The following HIF3A variants were observed in gnomAD, a reference collection of about 807,000 sequenced individuals.
HIF3A encodes hypoxia inducible factor 3 subunit alpha, also known as hypoxia-inducible factor 3-alpha.
HIF3A carries 41 observed loss-of-function variants against 67.2 expected under a neutral mutation model. The ratio of observed to expected loss-of-function variants is 0.61; its 90% confidence interval spans 0.48 to 0.79. The LOEUF (loss-of-function observed/expected upper bound fraction) is 0.79, where lower values mean the gene tolerates loss of function less well. Among genes scored for constraint, HIF3A ranks in the 30% least tolerant of loss-of-function variants. The pLI is 0.00. For synonymous variants in HIF3A, 356 were observed against 374.8 expected (o/e 0.95, Z 0.58); for missense variants, 855 against 898.0 (o/e 0.95, Z 0.61).
In HIF3A at chr19:46,305,305, T is replaced by C; in HGVS notation, c.278T>C (p.Leu93Pro). Reference protein sequence around the residue: ...EPLDACYLKALEGFVMVLTAE... With the variant: ...EPLDACYLKAPEGFVMVLTAE... ...CTGGATGCCTGCTACCTGAAGGCCC[T>C]GGAGGGCTTCGTCATGGTGCTCACC... The change falls in exon 3 of 15, where the codon CTG becomes CCG. Residue 93 changes from leucine (L) to proline (P), a missense_variant. By Grantham distance (98) the Leu-to-Pro change is moderately conservative (BLOSUM62 -3). Transcript: ENST00000377670. The C allele has an allele frequency of 6.2e-7, 1 of 1,614,108 alleles. No homozygotes were observed. The highest frequency in any genetic ancestry group is 8.5e-7 in the Non-Finnish European group (1 of 1,179,992).
At chr19:46,336,346 C>T (rs1320564501) in intron 14 of HIF3A, among the ~76,000 whole-genome samples, 1 of 151,788 alleles carries the variant, frequency 6.6e-6, no homozygotes, top group East Asian at 2.0e-4. Flanking sequence ...CCCACCTCGG[C>T]CTCCCAGAGT....
chr19:46,305,245 G>C lies in HIF3A; in HGVS notation c.218G>C (p.Gly73Ala). ...CCCATCCCCCTGCCCCGGGCACCAG[G>C]GGAGTGGAACCAGGTGGGAGCAGGG... The part of the protein sequence containing the change: ...YLRMHRLCAA[G>A]EWNQVGAGGE... The change falls in exon 3 of 15, where the codon GGG (glycine) becomes GCG (alanine). Residue 73 changes from glycine (G) to alanine (A), a missense_variant and splice_region_variant. Physicochemically the swap from Gly to Ala is moderately conservative, Grantham distance 60 (BLOSUM62 0). This residue lies in a region of HIF3A where 638 missense variants were observed against 660.5 expected (regional missense o/e 0.97). Transcript: ENST00000377670. The C allele has an allele frequency of 6.2e-7, 1 of 1,613,926 alleles. No homozygotes were observed. Among genetic ancestry groups the C allele is most frequent in the Non-Finnish European group, 8.5e-7 (1 of 1,180,012 alleles).
chr19:46,311,871 C>A (rs1315485276), intron 6 of HIF3A, among the ~76,000 whole-genome samples: 2 of 152,090 alleles, frequency 1.3e-5, no homozygotes, highest in African/African-American at 4.8e-5. Context: ...AAAAAACAAA[C>A]AACAAAACAA....
Position 46,308,322 on chromosome 19 carries a change from C to T in HIF3A, c.448+17C>T, listed in dbSNP as rs778220980. The T allele has an allele frequency of 1.3e-5, 20 of 1,536,478 alleles. No homozygotes were observed. Among genetic ancestry groups the T allele is most frequent in the Admixed American group, 1.7e-5 (1 of 57,648 alleles). The stretch of plus-strand genomic sequence containing the variant: ...CCCAGCAGAGTGAGTTCCCTGGAGG[C>T]CTCTGTCCCCACCATACAGAGGAGG... On this transcript the variant is annotated intron_variant, in intron 4 of 14. Coordinates refer to ENST00000377670, the MANE Select transcript of HIF3A (RefSeq NM_152795.4).
Position 46,297,112 on chromosome 19 carries a change from T to C in HIF3A, c.26+10T>C. The C allele has an allele frequency of 8.1e-7, 1 of 1,231,434 alleles. No individual in the cohort carries two copies. Among genetic ancestry groups the C allele is most frequent in the Non-Finnish European group, 1.0e-6 (1 of 968,968 alleles). 76.3% of individuals were successfully genotyped at this position (1,231,434 alleles called of 1,614,324 possible). A position where few individuals can be genotyped will look rare whatever the true frequency, so the allele number is the denominator to read the frequency against. ...GGCTGCAGCGCGCAAGGTACTGAAG[T>C]TCGGGGGCAGGAGTTCTGGGAATTG... is the stretch of plus-strand genomic sequence containing the variant. On this transcript the variant is annotated intron_variant, in intron 1 of 14. Transcript: ENST00000377670. This position sits in a 1 kb window ranked among gnomAD's most constrained non-coding sequence, Gnocchi z 4.5.
At chr19:46,298,345 TCTTGGCTGAGCTCGGGTGCCCCC>T in intron 1 of HIF3A, 2 of 1,277,902 alleles carry the variant, frequency 1.6e-6, no homozygotes, top group Non-Finnish European at 2.0e-6. Context: ...TGGGGGCCCC[TCTTGGCTGAGCTCGGGTGCCCCC>T]CCTCCCCACC....
chr19:46,315,682 G>A (rs1969858695), intron 8 of HIF3A, among the ~76,000 whole-genome samples: 1 of 152,200 alleles, frequency 6.6e-6, no homozygotes, highest in Non-Finnish European at 1.5e-5. Flanking sequence ...GGGAGGCCGA[G>A]GAGGGCAGAT....
At chr19:46,315,774 T>C (rs1373371519) in intron 8 of HIF3A, among the ~76,000 whole-genome samples, 1 of 151,704 alleles carries the variant, frequency 6.6e-6, no homozygotes, top group Non-Finnish European at 1.5e-5. Context: ...ATTAGCCAGG[T>C]GTGGTAGCAC....
intron 12 of HIF3A, 95 bp downstream of exon 12, chr19:46,329,573 A>C: frequency 1.5e-6 from 2 of 1,345,118 alleles, no homozygotes; most frequent in South Asian, 1.7e-5. Flanking sequence ...CCATTTCTCT[A>C]ACCCTGATCT....
intron 1 of HIF3A, chr19:46,303,607 C>A: frequency 6.4e-7 from 1 of 1,559,044 alleles, no homozygotes; most frequent in South Asian, 1.2e-5. Flanking sequence ...GCAGATAAGT[C>A]AGGGAGGGGA....
chr19:46,298,587 C>A, intron 1 of HIF3A: 1 of 1,122,276 alleles, frequency 8.9e-7, no homozygotes, highest in Non-Finnish European at 1.2e-6. Context: ...CCCACTGTGG[C>A]CAAGGATGCT....
chr19:46,298,500 G>C (rs1179642345), intron 1 of HIF3A: 1 of 1,283,224 alleles, frequency 7.8e-7, no homozygotes, highest in South Asian at 1.2e-5. Flanking sequence ...TCAGCCAACG[G>C]GGGCCTGGGC....
intron 1 of HIF3A, chr19:46,298,507 G>C: frequency 7.8e-7 from 1 of 1,279,070 alleles, no homozygotes; most frequent in South Asian, 1.3e-5. Context: ...ACGGGGGCCT[G>C]GGCGATGGTG....
At chr19:46,334,359 T>C (rs993120839) in intron 13 of HIF3A, among the ~76,000 whole-genome samples, 1 of 152,300 alleles carries the variant, frequency 6.6e-6, no homozygotes, top group East Asian at 1.9e-4. Context: ...CCCAAAGTGC[T>C]GGGATTACAG....
chr19:46,309,421 A>T, intron 6 of HIF3A, 62 bp downstream of exon 6: 1 of 1,017,802 alleles, frequency 9.8e-7, no homozygotes, highest in East Asian at 2.6e-5. Context: ...CCCCACCTCC[A>T]CACTCCCGCA....
chr19:46,301,694 C>T (rs1251013155), intron 1 of HIF3A, among the ~76,000 whole-genome samples: 1 of 151,750 alleles, frequency 6.6e-6, no homozygotes, highest in Admixed American at 6.6e-5. Context: ...GGCGTGGTGG[C>T]AGATGTCTGT....
intron 11 of HIF3A, among the ~76,000 whole-genome samples, chr19:46,327,108 TTG>T (rs1341943936): frequency 6.6e-6 from 1 of 151,950 alleles, no homozygotes; most frequent in Admixed American, 6.6e-5. Flanking sequence ...TGAGCCGAGA[TTG>T]TGCCACTGCA....
At chr19:46,304,333 C>T (rs939243643) in intron 2 of HIF3A, 2 of 570,926 alleles carry the variant, frequency 3.5e-6, no homozygotes, top group East Asian at 5.9e-5. Flanking sequence ...GAGGCCCCGC[C>T]CCTGGAACGC....
At chr19:46,303,752 T>A in intron 1 of HIF3A, 146 bp from the exon 2 acceptor site, 1 of 1,514,982 alleles carries the variant, frequency 6.6e-7, no homozygotes, top group Non-Finnish European at 9.0e-7. Context: ...CGCCGCGAAC[T>A]CGACAGGGCC....
Sources: allele counts gnomAD v4.1 joint callset (sites outside exome capture counted in the v4.1 genomes callset), GRCh38; gene constraint gnomAD v4.1.1; regional missense constraint gnomAD v4.1.1; non-coding constraint Gnocchi (gnomAD v3.1); transcripts MANE v1.5; gene names NCBI Gene and HGNC (gene_info 2026-07-23, HGNC 2026-07-21).